RORA: variants seen among roughly 807,000 people sequenced by gnomAD.
RORA encodes the protein RAR related orphan receptor A.
Under a neutral mutation model 69.5 loss-of-function variants are expected in RORA, and 7 were observed. The ratio of observed to expected loss-of-function variants is 0.10; its 90% confidence interval spans 0.06 to 0.19. The LOEUF (loss-of-function observed/expected upper bound fraction) is 0.19. Ranked by LOEUF, RORA falls within the 10% of genes least tolerant of loss-of-function variation. The pLI is 1.00. For missense variants in RORA, 457 were observed against 663.0 expected, an observed-to-expected ratio of 0.69 and a Z score of 3.41; for synonymous variants, 261 against 240.8, an observed-to-expected ratio of 1.08 and a Z score of -0.78.
chr15:61,119,720 C>T (rs2079085442), intron 1 of RORA, among the ~76,000 whole-genome samples: 1 of 152,162 alleles, frequency 6.6e-6, no homozygotes, highest in African/African-American at 2.4e-5. Context: ...CACAGTTATT[C>T]TTGTGGATGA....
chr15:60,573,380 C>T (rs2067937354), intron 2 of RORA, among the ~76,000 whole-genome samples: 1 of 152,178 alleles, frequency 6.6e-6, no homozygotes, highest in Admixed American at 6.5e-5. Flanking sequence ...AGAGCGGCCG[C>T]ACAGAAACCC....
At chr15:61,225,446 A>G (rs1409276222) in intron 1 of RORA, among the ~76,000 whole-genome samples, 1 of 151,820 alleles carries the variant, frequency 6.6e-6, no homozygotes, top group East Asian at 1.9e-4. Context: ...TTCAAAGTCA[A>G]AGACGTATGT....
intron 1 of RORA, among the ~76,000 whole-genome samples, chr15:61,029,705 C>A (rs1420154878): frequency 2.6e-5 from 4 of 152,076 alleles, no homozygotes; most frequent in African/African-American, 9.7e-5. Context: ...GGAAAGAATT[C>A]TTGTTTTCAT....
chr15:60,809,447 A>T (rs2072710592), intron 1 of RORA, among the ~76,000 whole-genome samples: 1 of 152,240 alleles, frequency 6.6e-6, no homozygotes. Context: ...CATATTTCTT[A>T]TCGCCAAGGG....
intron 1 of RORA, among the ~76,000 whole-genome samples, chr15:60,947,032 G>C (rs537245496): frequency 8.8e-6 from 1 of 113,404 alleles, no homozygotes; most frequent in African/African-American, 2.8e-5. Context: ...GCCAGCCCCC[G>C]CCCGGCCAGC....
rs548123135 is a variant in RORA at position 60,534,210 on chromosome 15, G to C, written c.197-2359C>G. ...CTGGCACGGAGGTCTGCTCATGATG[G>C]GGGTGGCCTTGGGAGTACTATACTG... On this transcript the variant is annotated intron_variant, in intron 2 of 10. Transcript: ENST00000335670. The surrounding 1 kb of genome is among the most constrained non-coding windows in gnomAD (Gnocchi z 5.0). Among the ~76,000 whole-genome samples, 8 of 152,308 alleles carry C rather than the reference G, an allele frequency of 5.3e-5. No homozygotes were observed. Among genetic ancestry groups the C allele is most frequent in the Non-Finnish European group, 5.9e-5 (4 of 68,024 alleles).
intron 1 of RORA, among the ~76,000 whole-genome samples, chr15:60,796,448 A>G (rs1309268664): frequency 6.6e-6 from 1 of 151,958 alleles, no homozygotes; most frequent in Non-Finnish European, 1.5e-5. Flanking sequence ...AAAACAAATT[A>G]CTCTGAAAGA....
intron 3 of RORA, among the ~76,000 whole-genome samples, chr15:60,524,872 G>A (rs2066296824): frequency 6.6e-6 from 1 of 152,176 alleles, no homozygotes; most frequent in Non-Finnish European, 1.5e-5. Flanking sequence ...ATGTATATCT[G>A]CTTTACAAAT....
At chr15:60,601,098 G>T (rs1239013706) in intron 2 of RORA, 1 of 152,116 alleles carries the variant, frequency 6.6e-6, no homozygotes, top group Non-Finnish European at 1.5e-5. Context: ...ACATTATGCT[G>T]CAACTCTCAA....
intron 2 of RORA, among the ~76,000 whole-genome samples, chr15:60,576,152 C>G (rs2068020151): frequency 6.6e-6 from 1 of 152,210 alleles, no homozygotes; most frequent in Non-Finnish European, 1.5e-5. Flanking sequence ...TTCTCATGGG[C>G]AGCGTGGCTG....
rs2065151519 is a variant in RORA, at chr15:60,495,758, C to T, written c.*1697G>A. 6.6e-6 allele frequency: 1 copy of T among 152,064 alleles called. No homozygotes were observed. Among genetic ancestry groups the T allele is most frequent in the African/African-American group, 2.4e-5 (1 of 41,406 alleles). The allele number at this position is 152,064 out of a possible 1,614,324, so 9.4% of individuals were successfully genotyped here. A position where few individuals can be genotyped will look rare whatever the true frequency, so the allele number is the denominator to read the frequency against. On this transcript the variant is annotated 3_prime_UTR_variant, in exon 11 of 11. Coordinates refer to ENST00000335670, the MANE Select transcript of RORA (RefSeq NM_134261.3). ...ATCCCACCCCTAGTGCGACTAAAAT[C>T]ATCGTCTAAATGCCTACATTCCCAA...
At chr15:60,738,375 C>T (rs1031001926) in intron 1 of RORA, among the ~76,000 whole-genome samples, 4 of 152,202 alleles carry the variant, frequency 2.6e-5, no homozygotes, top group East Asian at 1.9e-4. Context: ...CCCAGATCCC[C>T]GGGCTGACTC....
At chr15:60,791,759 C>T (rs923763678) in intron 1 of RORA, among the ~76,000 whole-genome samples, 1 of 152,214 alleles carries the variant, frequency 6.6e-6, no homozygotes, top group African/African-American at 2.4e-5. Context: ...ACTTTATCTG[C>T]TGTCGACCGC....
intron 1 of RORA, among the ~76,000 whole-genome samples, chr15:61,019,445 T>C (rs531196698): frequency 2.0e-5 from 3 of 152,262 alleles, no homozygotes; most frequent in African/African-American, 7.2e-5. Context: ...TACCAAACAT[T>C]ATTTCCTGCT....
intron 1 of RORA, among the ~76,000 whole-genome samples, chr15:60,730,979 T>A (rs2071422844): frequency 1.3e-5 from 2 of 152,176 alleles, no homozygotes; most frequent in Admixed American, 6.5e-5. Context: ...GGGGTTGTTG[T>A]ACGGAATATT....
At chr15:60,702,743 C>T (rs2071001801) in intron 1 of RORA, among the ~76,000 whole-genome samples, 1 of 152,160 alleles carries the variant, frequency 6.6e-6, no homozygotes, top group South Asian at 2.1e-4. Context: ...ACGGTAGTTC[C>T]TTAAGATTAC....
chr15:61,163,085 A>T (rs1198314617), intron 1 of RORA, among the ~76,000 whole-genome samples: 1 of 152,224 alleles, frequency 6.6e-6, no homozygotes, highest in Non-Finnish European at 1.5e-5. Flanking sequence ...TTAGTAACAC[A>T]TCATGATTTC....
rs543865324 is a variant in RORA at position 60,852,579 on chromosome 15, C to T, written c.167-173893G>A. Among the ~76,000 whole-genome samples the T allele has an allele frequency of 2.6e-5, 4 of 152,268 alleles. No homozygotes were observed. The East Asian group carries it at 7.7e-4, about 29-fold the overall frequency. On this transcript the variant is annotated intron_variant, in intron 1 of 10. Transcript: ENST00000335670. The stretch of plus-strand genomic sequence containing the variant: ...CGCTTTGACAAGTAGTGAAAAAAAG[C>T]TATCTGAGGAAACAAGATGAACATA...
At chr15:60,830,327 T>C (rs1216355086) in intron 1 of RORA, among the ~76,000 whole-genome samples, 1 of 152,358 alleles carries the variant, frequency 6.6e-6, no homozygotes, top group East Asian at 1.9e-4. Flanking sequence ...TGGATAATTT[T>C]CTGCCACTGT....
Sources: gnomAD v4.1 joint callset for allele counts (sites outside exome capture counted in the v4.1 genomes callset) on GRCh38, gnomAD v4.1.1 for gene constraint, Gnocchi (gnomAD v3.1) non-coding constraint, MANE v1.5 for transcripts, NCBI Gene and HGNC (gene_info 2026-07-23, HGNC 2026-07-21) for gene names.